ANO3: variants seen among roughly 807,000 people sequenced by gnomAD.
ANO3 encodes anoctamin-3.
A neutral mutation model predicts 144.8 loss-of-function variants in ANO3; 99 were observed. The ratio of observed to expected loss-of-function variants is 0.68; its 90% CI spans 0.58 to 0.81. The LOEUF is 0.81. Ranked by LOEUF, ANO3 falls within the 30% of genes least tolerant of loss-of-function variation. The pLI, the probability that ANO3 is intolerant of heterozygous loss-of-function variation, is 0.00. For synonymous variants in ANO3, 414 were observed against 392.6 expected (o/e 1.05, Z -0.64); for missense variants, 905 against 1,202.2 (o/e 0.75, Z 3.66).
At position 26,525,657 on chromosome 11, in the gene ANO3, G is replaced by A. The variant is rs148719252; in HGVS notation, c.715G>A (p.Gly239Arg). 468 of 1,609,404 alleles carry A rather than the reference G, an allele frequency of 2.9e-4. No individual in the cohort carries two copies. The highest frequency in any genetic ancestry group is 3.9e-4 in the Non-Finnish European group (454 of 1,177,994). The part of the protein sequence containing the change: ...PFRKKCYYTD[G>R]RSKSMGRMQT... ...CAGGAAAAAATGCTATTACACTGAC[G>A]GGAGGAGCAAATCAATGGGCAGGTT... The change falls in exon 7 of 27, where the codon GGG (glycine) becomes AGG (arginine). Residue 239 changes from glycine to arginine, a missense_variant. Gly to Arg is a moderately radical substitution (Grantham distance 125). This residue lies in a region of ANO3 where 71 missense variants were observed against 57.9 expected (regional missense o/e 1.23). Coordinates refer to ENST00000256737, the MANE Select transcript of ANO3 (RefSeq NM_031418.4).
At chr11:26,474,740 G>A (rs932840731) in intron 4 of ANO3, among the ~76,000 whole-genome samples, 9 of 151,740 alleles carry the variant, frequency 5.9e-5, no homozygotes, top group African/African-American at 2.2e-4. Flanking sequence ...GCTTCCATCG[G>A]GAAAATTTCC....
intron 14 of ANO3, among the ~76,000 whole-genome samples, chr11:26,572,814 G>C (rs1477417913): frequency 6.6e-6 from 1 of 152,072 alleles, no homozygotes; most frequent in Admixed American, 6.6e-5. Flanking sequence ...CAGGAGTTTG[G>C]AGAGGAACTG....
At chr11:26,301,309 A>G (rs1854227234) in intron 1 of ANO3, among the ~76,000 whole-genome samples, 1 of 152,206 alleles carries the variant, frequency 6.6e-6, no homozygotes, top group African/African-American at 2.4e-5. Flanking sequence ...TTGCCTATTT[A>G]TAGCCTTGGT....
At chr11:26,353,235 G>C (rs1252788928) in intron 1 of ANO3, among the ~76,000 whole-genome samples, 1 of 152,118 alleles carries the variant, frequency 6.6e-6, no homozygotes, top group African/African-American at 2.4e-5. Flanking sequence ...GGTGCTGGTG[G>C]GTGTGGGATT....
chr11:26,411,710 T>C lies in ANO3; in HGVS notation c.47-30208T>C, dbSNP rs544604550. Among the ~76,000 whole-genome samples, 8 of 138,154 alleles carry C rather than the reference T, an allele frequency of 5.8e-5. No individual in the cohort carries two copies. In the East Asian group the frequency reaches 1.6e-3, roughly 27 times the overall value. 90.6% of individuals were successfully genotyped at this position (138,154 alleles called of 152,430 possible). On this transcript the variant is annotated intron_variant, in intron 1 of 26. Coordinates refer to ENST00000256737, the MANE Select transcript of ANO3 (RefSeq NM_031418.4). Reference sequence around the variant, plus strand: ...GATAAGTATGGCAATATTAGATGAGTGTATGCAGAATCCATCCATTTTTTT... The same window carrying C: ...GATAAGTATGGCAATATTAGATGAGCGTATGCAGAATCCATCCATTTTTTT...
chr11:26,506,854 C>G (rs1565068172), intron 4 of ANO3, among the ~76,000 whole-genome samples: 1 of 152,160 alleles, frequency 6.6e-6, no homozygotes, highest in Non-Finnish European at 1.5e-5. Context: ...TCAGGTTGCT[C>G]TGGTCCTCAC....
At chr11:26,287,131 A>C (rs1564949504) in intron 1 of ANO3, among the ~76,000 whole-genome samples, 1 of 152,174 alleles carries the variant, frequency 6.6e-6, no homozygotes, top group Non-Finnish European at 1.5e-5. Context: ...GAGAAAGCCG[A>C]ATTGATAGAG....
chr11:26,526,220 T>C (rs1849159510), intron 7 of ANO3, among the ~76,000 whole-genome samples: 1 of 152,124 alleles, frequency 6.6e-6, no homozygotes, highest in Non-Finnish European at 1.5e-5. Context: ...GAGCTTTACC[T>C]CAAAACATTA....
intron 5 of ANO3, among the ~76,000 whole-genome samples, chr11:26,513,391 C>T (rs187666964): frequency 6.6e-6 from 1 of 152,164 alleles, no homozygotes; most frequent in East Asian, 1.9e-4. Flanking sequence ...CCAAAGATGA[C>T]GATGATGTAA....
chr11:26,238,606 T>C, intron 1 of ANO3, among the ~76,000 whole-genome samples: 1 of 152,054 alleles, frequency 6.6e-6, no homozygotes, highest in East Asian at 1.9e-4. Context: ...CTCTACAAAA[T>C]TGAACAAATT....
At chr11:26,262,796 T>C (rs1853220681) in intron 1 of ANO3, among the ~76,000 whole-genome samples, 2 of 151,726 alleles carry the variant, frequency 1.3e-5, no homozygotes, top group Admixed American at 6.6e-5. Flanking sequence ...AATGAGAAGA[T>C]GGCTGCCTGC....
intron 1 of ANO3, among the ~76,000 whole-genome samples, chr11:26,319,656 T>A (rs1452722974): frequency 6.6e-6 from 1 of 152,190 alleles, no homozygotes; most frequent in African/African-American, 2.4e-5. Context: ...TGTTAACATA[T>A]CCTATAAAAA....
chr11:26,352,411 A>ATTT (rs2133914189), intron 1 of ANO3, among the ~76,000 whole-genome samples: 1 of 152,272 alleles, frequency 6.6e-6, no homozygotes, highest in Non-Finnish European at 1.5e-5. Flanking sequence ...TGTAGGGTCT[A>ATTT]GATTCTGGGC....
chr11:26,202,213 G>A (rs1051785861), intron 1 of ANO3, among the ~76,000 whole-genome samples: 4 of 145,418 alleles, frequency 2.8e-5, no homozygotes, highest in African/African-American at 1.0e-4. Context: ...TTTCCAAAAT[G>A]TCATTCCTTT....
At chr11:26,372,940 G>GAA (rs200801532) in intron 1 of ANO3, among the ~76,000 whole-genome samples, 3 of 149,970 alleles carry the variant, frequency 2.0e-5, no homozygotes, top group African/African-American at 7.3e-5. Context: ...TAGATTATTT[G>GAA]AAAAAAAAAT....
At chr11:26,477,851 T>C (rs1190301827) in intron 4 of ANO3, among the ~76,000 whole-genome samples, 2 of 152,190 alleles carry the variant, frequency 1.3e-5, no homozygotes, top group African/African-American at 4.8e-5. Flanking sequence ...TGAGTAATTT[T>C]ACTTATAAGG....
At chr11:26,260,956 T>C (rs936027327) in intron 1 of ANO3, among the ~76,000 whole-genome samples, 3 of 152,148 alleles carry the variant, frequency 2.0e-5, no homozygotes, top group Non-Finnish European at 4.4e-5. Flanking sequence ...AGAAAGAGCA[T>C]GTGCATATCT....
Position 26,372,711 on chromosome 11 carries a change from A to G in ANO3, c.46+40390A>G, listed in dbSNP as rs547035158. Among the ~76,000 whole-genome samples, 20 of 152,332 alleles carry G rather than the reference A, an allele frequency of 1.3e-4. No individual in the cohort carries two copies. In the East Asian group the frequency reaches 3.9e-3, roughly 29 times the overall value. Reference sequence around the variant, plus strand: ...CTCAGGAAGTTAGTATTCTGGTGGCAGAGAAAGACTAAGTAAAGGACGTGC... The same window carrying G: ...CTCAGGAAGTTAGTATTCTGGTGGCGGAGAAAGACTAAGTAAAGGACGTGC... On this transcript the variant is annotated intron_variant, in intron 1 of 26. Transcript: ENST00000256737.
At chr11:26,373,764 G>C (rs1415073309) in intron 1 of ANO3, among the ~76,000 whole-genome samples, 1 of 152,098 alleles carries the variant, frequency 6.6e-6, no homozygotes, top group Non-Finnish European at 1.5e-5. Flanking sequence ...TACATAGTAA[G>C]TTTTTAAATA....
Sources: gnomAD v4.1 joint callset for allele counts (sites outside exome capture counted in the v4.1 genomes callset) on GRCh38, gnomAD v4.1.1 for gene constraint, gnomAD v4.1.1 regional missense constraint, MANE v1.5 for transcripts, NCBI Gene and HGNC (gene_info 2026-07-23, HGNC 2026-07-21) for gene names.